THRB: variants seen among roughly 807,000 people sequenced by gnomAD.
THRB encodes nuclear receptor subfamily 1 group A member 2.
A neutral mutation model predicts 47.8 loss-of-function variants in THRB; 12 were observed. The ratio of observed to expected loss-of-function variants is 0.25; its 90% CI spans 0.16 to 0.41. The LOEUF (loss-of-function observed/expected upper bound fraction) is 0.41, where lower values mean the gene tolerates loss of function less well. Among genes scored for constraint, THRB ranks in the 10% least tolerant of loss-of-function variants. The pLI is 1.00. For missense variants in THRB, 348 were observed against 589.2 expected, an observed-to-expected ratio of 0.59 and a Z score of 4.24; for synonymous variants, 218 against 212.2, an observed-to-expected ratio of 1.03 and a Z score of -0.24.
intron 5 of THRB, among the ~76,000 whole-genome samples, chr3:24,157,928 A>G (rs1268917946): frequency 6.6e-6 from 1 of 152,180 alleles, no homozygotes; most frequent in Non-Finnish European, 1.5e-5. Context: ...GTACATTCAG[A>G]TCCTTAATAG....
chr3:24,264,310 A>G (rs942373056), intron 3 of THRB, among the ~76,000 whole-genome samples: 1 of 152,166 alleles, frequency 6.6e-6, no homozygotes, highest in East Asian at 1.9e-4. Context: ...ACACACAATA[A>G]TTAGGGTCAG....
intron 1 of THRB, chr3:24,458,865 A>G (rs1275200854): frequency 6.6e-6 from 1 of 151,998 alleles, no homozygotes; most frequent in Non-Finnish European, 1.5e-5. Flanking sequence ...TACGTTAAAT[A>G]TTATAAATAT....
At chr3:24,220,797 C>CAAAA (rs1368551143) in intron 4 of THRB, among the ~76,000 whole-genome samples, 3,406 of 96,458 alleles carry the variant, frequency 0.035, 112 homozygotes, top group African/African-American at 0.14. Flanking sequence ...CAAGGTTAAA[C>CAAAA]AAAAGAAAAA....
chr3:24,367,707 G>T (rs556077614), intron 1 of THRB, among the ~76,000 whole-genome samples: 1 of 152,228 alleles, frequency 6.6e-6, no homozygotes, highest in East Asian at 1.9e-4. Context: ...TTTCTTGTCA[G>T]TTAGGCTGGA....
At chr3:24,233,614 A>AGAAAGAAAG (rs2048554696) in intron 3 of THRB, among the ~76,000 whole-genome samples, 1 of 151,592 alleles carries the variant, frequency 6.6e-6, no homozygotes, top group Non-Finnish European at 1.5e-5. Context: ...AAAGAAAGAA[A>AGAAAGAAAG]GAGAAAGAGC....
chr3:24,145,897 A>G (rs1218419699), intron 7 of THRB, among the ~76,000 whole-genome samples: 1 of 152,164 alleles, frequency 6.6e-6, no homozygotes, highest in Non-Finnish European at 1.5e-5. Context: ...ATGCCAGTAG[A>G]ATCATTAATA....
At chr3:24,385,714 G>A (rs2066044358) in intron 1 of THRB, among the ~76,000 whole-genome samples, 1 of 152,102 alleles carries the variant, frequency 6.6e-6, no homozygotes, top group Admixed American at 6.6e-5. Context: ...ACAAATGACT[G>A]AGACAACTGG....
rs1210511600 is a variant in THRB at position 24,417,237 on chromosome 3, TA to T, written c.-261+77414del. ...TAAGAGTGAATTCATTAAATACATA[TA>T]ATTGTGTATTTATGCAAGTAGGCTT... On this transcript the variant is annotated intron_variant, in intron 1 of 10. Coordinates refer to ENST00000646209, the MANE Select transcript of THRB (RefSeq NM_001354712.2). 3.9e-5 allele frequency among the ~76,000 whole-genome samples: 6 copies of T among 151,958 alleles called. No individual in the cohort carries two copies. The East Asian group carries it at 1.2e-3, about 30-fold the overall frequency.
intron 3 of THRB, among the ~76,000 whole-genome samples, chr3:24,254,775 T>C (rs1384163968): frequency 6.6e-6 from 1 of 152,234 alleles, no homozygotes; most frequent in African/African-American, 2.4e-5. Context: ...ACAAAGGCCT[T>C]GTGCCAAACA....
chr3:24,367,048 A>G (rs561483492), intron 1 of THRB, among the ~76,000 whole-genome samples: 1 of 152,306 alleles, frequency 6.6e-6, no homozygotes, highest in South Asian at 2.1e-4. Flanking sequence ...AAAACTAATG[A>G]CACATTCATA....
intron 3 of THRB, among the ~76,000 whole-genome samples, chr3:24,273,592 G>C (rs2053577291): frequency 6.6e-6 from 1 of 152,150 alleles, no homozygotes; most frequent in African/African-American, 2.4e-5. Flanking sequence ...AAGACAGAAA[G>C]TTTTTTCATA....
chr3:24,261,517 AACC>A (rs2052020485), intron 3 of THRB, among the ~76,000 whole-genome samples: 2 of 141,268 alleles, frequency 1.4e-5, no homozygotes, highest in African/African-American at 6.0e-5. Flanking sequence ...AAAAAAAAAA[AACC>A]AAAAAAAACT....
chr3:24,152,547 C>T, intron 5 of THRB, 57 bp from the exon 6 acceptor site: 1 of 955,248 alleles, frequency 1.0e-6, no homozygotes. Context: ...GTCAAAGAGA[C>T]ACTATAGCTA....
At chr3:24,316,899 G>C (rs531056762) in intron 2 of THRB, among the ~76,000 whole-genome samples, 6 of 152,118 alleles carry the variant, frequency 3.9e-5, no homozygotes, top group Non-Finnish European at 7.3e-5. Flanking sequence ...ACTCCTTTTC[G>C]TGAAAGGCTG....
chr3:24,143,039 C>T (rs1294753891), intron 8 of THRB, among the ~76,000 whole-genome samples: 1 of 152,028 alleles, frequency 6.6e-6, no homozygotes, highest in Non-Finnish European at 1.5e-5. Context: ...TTAATTTAAG[C>T]TAAAAAATTT....
At chr3:24,358,554 C>T (rs2063846566) in intron 1 of THRB, among the ~76,000 whole-genome samples, 1 of 152,150 alleles carries the variant, frequency 6.6e-6, no homozygotes, top group Non-Finnish European at 1.5e-5. Context: ...TTCTGAATGT[C>T]ATCTTTATCA....
intron 1 of THRB, among the ~76,000 whole-genome samples, chr3:24,375,264 C>T (rs1297479768): frequency 6.7e-6 from 1 of 149,250 alleles, no homozygotes; most frequent in Non-Finnish European, 1.5e-5. Flanking sequence ...CAAAACACTT[C>T]ATGTTCAAAC....
intron 5 of THRB, among the ~76,000 whole-genome samples, chr3:24,158,599 T>C (rs2038265968): frequency 1.3e-5 from 2 of 152,040 alleles, no homozygotes; most frequent in Admixed American, 1.3e-4. Context: ...CAGCTATTAT[T>C]TGTTATTTTT....
intron 6 of THRB, among the ~76,000 whole-genome samples, chr3:24,147,221 A>G (rs1297225690): frequency 1.3e-5 from 2 of 152,226 alleles, no homozygotes. Context: ...GAGTAATAAG[A>G]GAGCTCCAAG....
Sources: gnomAD v4.1 joint callset for allele counts (sites outside exome capture counted in the v4.1 genomes callset) on GRCh38, gnomAD v4.1.1 for gene constraint, MANE v1.5 for transcripts, NCBI Gene and HGNC (gene_info 2026-07-23, HGNC 2026-07-21) for gene names.